Variants in LINGO2 observed in about 807,000 individuals in gnomAD.
LINGO2 encodes leucine-rich repeat and immunoglobulin-like domain-containing nogo receptor-interacting protein 2.
Under a neutral mutation model 30.6 loss-of-function variants are expected in LINGO2, and 14 were observed. That is an observed-to-expected ratio of 0.46 (90% CI 0.30 to 0.72). The LOEUF is 0.72. Ranked by LOEUF, LINGO2 falls within the 30% of genes least tolerant of loss-of-function variation. The pLI is 0.07. For missense variants in LINGO2, 729 were observed against 751.7 expected, an observed-to-expected ratio of 0.97 and a Z score of 0.35; for synonymous variants, 317 against 288.5, an observed-to-expected ratio of 1.10 and a Z score of -1.00.
the LINGO2 span, among the ~76,000 whole-genome samples, chr9:29,128,712 A>G: frequency 6.6e-6 from 1 of 152,122 alleles, no homozygotes; most frequent in East Asian, 1.9e-4. Flanking sequence ...AATTGTAACC[A>G]TGTAAAACCA....
chr9:28,761,633 A>G, the LINGO2 span, among the ~76,000 whole-genome samples: 1 of 152,094 alleles, frequency 6.6e-6, no homozygotes, highest in South Asian at 2.1e-4. Flanking sequence ...AAAATAAGAA[A>G]AGTGACATCT....
At chr9:28,050,301 C>T (rs796148189) in intron 4 of LINGO2, among the ~76,000 whole-genome samples, 2 of 150,816 alleles carry the variant, frequency 1.3e-5, no homozygotes, top group African/African-American at 4.9e-5. Context: ...AACTCACATG[C>T]TGGTAGGGAA....
chr9:28,284,387 A>G (rs1216364754), intron 4 of LINGO2, among the ~76,000 whole-genome samples: 4 of 152,126 alleles, frequency 2.6e-5, no homozygotes, highest in Non-Finnish European at 5.9e-5. Flanking sequence ...CCCAAAACCA[A>G]TAGTTTACAA....
At chr9:28,140,424 A>G (rs1485513488) in intron 4 of LINGO2, among the ~76,000 whole-genome samples, 1 of 152,224 alleles carries the variant, frequency 6.6e-6, no homozygotes, top group East Asian at 1.9e-4. Flanking sequence ...CCTATGACCC[A>G]AAGGAGAGTA....
In LINGO2 at chr9:27,949,323, C is replaced by G. The variant is rs750277332; in HGVS notation, c.1349G>C (p.Arg450Pro). The stretch of plus-strand genomic sequence containing the variant: ...TCCATTGGACTTGGTGGTGATGAAA[C>G]GCCTTCGGGGTGTCACCCAGGAAAT... The change falls in exon 6 of 6, where the codon CGT becomes CCT. Residue 450 changes from arginine to proline, a missense_variant. Coordinates refer to ENST00000379992, the Ensembl canonical transcript of LINGO2. 4 of 1,613,974 alleles carry G rather than the reference C, an allele frequency of 2.5e-6. No homozygotes were observed. Among genetic ancestry groups the G allele is most frequent in the Admixed American group, 3.3e-5 (2 of 60,010 alleles).
intron 4 of LINGO2, among the ~76,000 whole-genome samples, chr9:28,197,386 A>T (rs1820052221): frequency 6.6e-6 from 1 of 152,014 alleles, no homozygotes; most frequent in Admixed American, 6.5e-5. Context: ...AAGATTTAAA[A>T]AAAACAGATT....
intron 1 of LINGO2, among the ~76,000 whole-genome samples, chr9:28,502,656 T>G (rs977511122): frequency 6.6e-6 from 1 of 152,086 alleles, no homozygotes; most frequent in African/African-American, 2.4e-5. Context: ...GTGACATTTG[T>G]TATTCAGCAG....
intron 4 of LINGO2, among the ~76,000 whole-genome samples, chr9:28,059,592 G>A (rs921525083): frequency 2.6e-5 from 4 of 152,156 alleles, no homozygotes; most frequent in Non-Finnish European, 5.9e-5. Flanking sequence ...GAACCATCAG[G>A]CTTACTAGAA....
At chr9:28,819,395 A>T in the LINGO2 span, among the ~76,000 whole-genome samples, 40 of 152,216 alleles carry the variant, frequency 2.6e-4, no homozygotes, top group African/African-American at 9.6e-4. Flanking sequence ...TCCTCTATGC[A>T]TCCACAAGCA....
At chr9:28,574,496 C>T (rs892427511) in intron 1 of LINGO2, among the ~76,000 whole-genome samples, 10 of 152,168 alleles carry the variant, frequency 6.6e-5, no homozygotes, top group Admixed American at 2.6e-4. Flanking sequence ...TTTTGTGCTT[C>T]CACAGTAGCT....
intron 3 of LINGO2, among the ~76,000 whole-genome samples, chr9:28,301,042 T>C (rs1215783902): frequency 1.3e-5 from 2 of 152,222 alleles, no homozygotes; most frequent in East Asian, 1.9e-4. Flanking sequence ...TAGAGAGAGA[T>C]CTTTTAAATT....
the LINGO2 span, among the ~76,000 whole-genome samples, chr9:28,873,979 C>T: frequency 2.6e-5 from 4 of 151,852 alleles, no homozygotes; most frequent in African/African-American, 7.2e-5. Context: ...AAATAAATAA[C>T]ATTAACCAAT....
chr9:28,425,153 T>C (rs10116215), intron 2 of LINGO2, among the ~76,000 whole-genome samples: 69,561 of 150,018 alleles, frequency 0.46, 16,411 homozygotes, highest in Admixed American at 0.51. Context: ...CTTTTAAGTG[T>C]CTTTACATTC....
At chr9:29,003,024 G>T in the LINGO2 span, among the ~76,000 whole-genome samples, 1 of 151,972 alleles carries the variant, frequency 6.6e-6, no homozygotes, top group African/African-American at 2.4e-5. Flanking sequence ...AAAAGACACA[G>T]ACAAAGACGA....
the LINGO2 span, among the ~76,000 whole-genome samples, chr9:28,855,810 C>T: frequency 1.3e-5 from 2 of 151,998 alleles, no homozygotes; most frequent in African/African-American, 2.4e-5. Flanking sequence ...GGTCCCAGAC[C>T]GGTTAAGGCA....
intron 4 of LINGO2, among the ~76,000 whole-genome samples, chr9:28,275,170 G>A (rs1049629158): frequency 1.3e-5 from 2 of 152,014 alleles, no homozygotes; most frequent in African/African-American, 4.8e-5. Flanking sequence ...CTGGGTTCAC[G>A]CCATTCTCCT....
At chr9:28,359,797 C>A (rs1820369525) in intron 3 of LINGO2, among the ~76,000 whole-genome samples, 1 of 152,124 alleles carries the variant, frequency 6.6e-6, no homozygotes, top group Admixed American at 6.6e-5. Flanking sequence ...TTTTGTTTAG[C>A]CAAATTGCTT....
At chr9:29,074,550 G>A in the LINGO2 span, among the ~76,000 whole-genome samples, 2 of 151,966 alleles carry the variant, frequency 1.3e-5, no homozygotes, top group South Asian at 2.1e-4. Flanking sequence ...ATCCTGGGAC[G>A]GATGGAGATA....
At chr9:29,002,754 G>A in the LINGO2 span, among the ~76,000 whole-genome samples, 3 of 151,946 alleles carry the variant, frequency 2.0e-5, no homozygotes, top group African/African-American at 7.2e-5. Flanking sequence ...TCTAAAGCTA[G>A]CTGTGCTGCT....
Sources: allele counts gnomAD v4.1 joint callset (sites outside exome capture counted in the v4.1 genomes callset), GRCh38; gene constraint gnomAD v4.1.1; transcripts MANE v1.5; gene names NCBI Gene and HGNC (gene_info 2026-07-23, HGNC 2026-07-21).